GNAQ: variants seen among roughly 807,000 people sequenced by gnomAD.
The protein encoded by GNAQ is G protein subunit alpha q.
A neutral mutation model predicts 43.9 loss-of-function variants in GNAQ; 8 were observed. That is an observed-to-expected ratio of 0.18 (90% CI 0.11 to 0.33). The LOEUF is 0.33. Ranked by LOEUF, GNAQ falls within the 10% of genes least tolerant of loss-of-function variation. GNAQ has a pLI of 1.00. For synonymous variants in GNAQ, 155 were observed against 170.7 expected, an observed-to-expected ratio of 0.91 and a Z score of 0.71; for missense variants, 158 against 450.8, an observed-to-expected ratio of 0.35 and a Z score of 5.88.
chr9:77,769,055 C>T (rs1826177771), intron 5 of GNAQ, among the ~76,000 whole-genome samples: 1 of 151,732 alleles, frequency 6.6e-6, no homozygotes, highest in African/African-American at 2.4e-5. Context: ...AACCTTTGCT[C>T]CTTGAACCCC....
chr9:77,857,564 A>G (rs893873360), intron 2 of GNAQ, among the ~76,000 whole-genome samples: 1 of 147,628 alleles, frequency 6.8e-6, no homozygotes, highest in East Asian at 2.1e-4. Flanking sequence ...GAGGGAAGGA[A>G]GGAAGGAAGG....
intron 2 of GNAQ, among the ~76,000 whole-genome samples, chr9:77,905,723 T>C (rs534139468): frequency 2.1e-4 from 32 of 152,306 alleles, no homozygotes; most frequent in Non-Finnish European, 4.0e-4. Flanking sequence ...TCCAAATGAT[T>C]CTTGAAAGAG....
At chr9:77,983,651 A>T (rs150569554) in intron 1 of GNAQ, among the ~76,000 whole-genome samples, 1 of 152,216 alleles carries the variant, frequency 6.6e-6, no homozygotes, top group African/African-American at 2.4e-5. Context: ...TTACTGTGGC[A>T]CAGGGTTTGG....
chr9:77,876,999 TATA>T (rs1362863480), intron 2 of GNAQ, among the ~76,000 whole-genome samples: 1 of 128,346 alleles, frequency 7.8e-6, no homozygotes, highest in Non-Finnish European at 1.8e-5. Flanking sequence ...ATCAATTAAA[TATA>T]ATATAACAAA....
intron 1 of GNAQ, among the ~76,000 whole-genome samples, chr9:77,939,359 T>C (rs1366075005): frequency 6.6e-6 from 1 of 152,212 alleles, no homozygotes. Context: ...ATTCTGATCC[T>C]GCAGCATGAA....
At chr9:77,832,631 C>T (rs1466363653) in intron 2 of GNAQ, among the ~76,000 whole-genome samples, 2 of 152,230 alleles carry the variant, frequency 1.3e-5, no homozygotes, top group African/African-American at 4.8e-5. Flanking sequence ...TGTCCCCCTT[C>T]TCATTAAGGT....
chr9:77,790,008 G>A (rs1037099789), intron 5 of GNAQ, among the ~76,000 whole-genome samples: 1 of 152,078 alleles, frequency 6.6e-6, no homozygotes, highest in African/African-American at 2.4e-5. Context: ...TTTAAAAAAG[G>A]GACAAGTGAC....
At chr9:77,942,804 A>G (rs1163962274) in intron 1 of GNAQ, among the ~76,000 whole-genome samples, 1 of 152,242 alleles carries the variant, frequency 6.6e-6, no homozygotes, top group Non-Finnish European at 1.5e-5. Flanking sequence ...TATGATCAAT[A>G]GCTGTGTCTG....
chr9:77,920,802 T>A (rs1298581664), intron 2 of GNAQ, among the ~76,000 whole-genome samples: 1 of 152,196 alleles, frequency 6.6e-6, no homozygotes, highest in Non-Finnish European at 1.5e-5. Context: ...AAAGTATCAA[T>A]TAGGTAAGAA....
chr9:77,834,213 T>C (rs1827346841), intron 2 of GNAQ, among the ~76,000 whole-genome samples: 1 of 152,230 alleles, frequency 6.6e-6, no homozygotes, highest in Non-Finnish European at 1.5e-5. Flanking sequence ...CAGGTGGGCT[T>C]TGATGGAGGG....
chr9:77,945,472 TATTTTATGCATG>T, intron 1 of GNAQ, among the ~76,000 whole-genome samples: 1 of 152,348 alleles, frequency 6.6e-6, no homozygotes, highest in South Asian at 2.1e-4. Flanking sequence ...GGCCCTCCAT[TATTTTATGCATG>T]TGGCTTTTCA....
At chr9:77,984,176 CT>C (rs563210374) in intron 1 of GNAQ, among the ~76,000 whole-genome samples, 188 of 136,818 alleles carry the variant, frequency 1.4e-3, no homozygotes, top group East Asian at 4.8e-3. Flanking sequence ...TTTTGCTTTT[CT>C]TTTTTTTTTT....
chr9:77,886,488 G>A (rs1309582811), intron 2 of GNAQ, among the ~76,000 whole-genome samples: 2 of 151,194 alleles, frequency 1.3e-5, no homozygotes, highest in African/African-American at 4.9e-5. Context: ...CAGAAAGAAC[G>A]CCCCACAGAC....
intron 2 of GNAQ, among the ~76,000 whole-genome samples, chr9:77,827,548 C>T (rs1172306539): frequency 6.6e-6 from 1 of 151,968 alleles, no homozygotes; most frequent in Admixed American, 6.6e-5. Flanking sequence ...ATCTGAGCTA[C>T]AGCCAGTGTC....
At chr9:77,762,441 C>T (rs1319190215) in intron 5 of GNAQ, among the ~76,000 whole-genome samples, 4 of 126,470 alleles carry the variant, frequency 3.2e-5, no homozygotes, top group East Asian at 5.0e-4. Context: ...GTCAGCCCCC[C>T]GCCTGGCCAG....
intron 1 of GNAQ, among the ~76,000 whole-genome samples, chr9:77,956,766 C>T (rs1823045710): frequency 2.0e-5 from 3 of 152,292 alleles, no homozygotes; most frequent in South Asian, 4.1e-4. Context: ...GCAATATGTA[C>T]TCAACATTGA....
chr9:77,854,207 A>G (rs1441570298), intron 2 of GNAQ, among the ~76,000 whole-genome samples: 1 of 152,196 alleles, frequency 6.6e-6, no homozygotes, highest in Non-Finnish European at 1.5e-5. Context: ...AAGCATTTTT[A>G]GCCCAGAGAT....
Position 77,717,190 on chromosome 9 carries a change from G to T in GNAQ, c.*4133C>A, listed in dbSNP as rs1825239240. The T allele has an allele frequency of 4.3e-6, 1 of 232,014 alleles. No homozygotes were observed. Among genetic ancestry groups the T allele is most frequent in the East Asian group, 6.1e-5 (1 of 16,334 alleles). 14.4% of individuals were successfully genotyped at this position (232,014 alleles called of 1,614,324 possible). ...ACAATATTACTAGTTTTATTTTTTT[G>T]TGTTTCTAACCAAAGATATATCTTT... On this transcript the variant is annotated 3_prime_UTR_variant, in exon 7 of 7. Coordinates refer to ENST00000286548, the MANE Select transcript of GNAQ (RefSeq NM_002072.5).
chr9:77,864,569 AG>A (rs1437292553), intron 2 of GNAQ, among the ~76,000 whole-genome samples: 1 of 152,154 alleles, frequency 6.6e-6, no homozygotes, highest in Non-Finnish European at 1.5e-5. Context: ...GCTGCGTGGG[AG>A]GATGGAGTAA....
Sources: gnomAD v4.1 joint callset for allele counts (sites outside exome capture counted in the v4.1 genomes callset) on GRCh38, gnomAD v4.1.1 for gene constraint, MANE v1.5 for transcripts, NCBI Gene and HGNC (gene_info 2026-07-23, HGNC 2026-07-21) for gene names.